LRRC4C: variants seen among roughly 807,000 people sequenced by gnomAD.
LRRC4C encodes the protein leucine rich repeat containing 4C, also known as leucine-rich repeat-containing protein 4C.
In LRRC4C, 5 loss-of-function variants were observed where a neutral mutation model predicts 33.6. The observed-to-expected ratio is 0.15, with a 90% confidence interval of 0.08 to 0.31. LRRC4C has a LOEUF of 0.31. LRRC4C is among the 10% of genes least tolerant of loss of function. The pLI is 1.00. For synonymous variants in LRRC4C, 329 were observed against 302.0 expected, an observed-to-expected ratio of 1.09 and a Z score of -0.93; for missense variants, 560 against 796.7, an observed-to-expected ratio of 0.70 and a Z score of 3.58.
chr11:40,282,114 C>T (rs1372968570), intron 4 of LRRC4C, among the ~76,000 whole-genome samples: 3 of 151,968 alleles, frequency 2.0e-5, no homozygotes, highest in Non-Finnish European at 4.4e-5. Context: ...TTTTGGAGGC[C>T]GAGGCTGGTG....
intron 2 of LRRC4C, among the ~76,000 whole-genome samples, chr11:40,753,481 A>G (rs905037596): frequency 6.6e-6 from 1 of 150,966 alleles, no homozygotes; most frequent in African/African-American, 2.4e-5. Context: ...AAAATTATGG[A>G]GTGGTATAAA....
chr11:40,573,135 G>A (rs1375579725), intron 3 of LRRC4C, among the ~76,000 whole-genome samples: 1 of 152,076 alleles, frequency 6.6e-6, no homozygotes, highest in Non-Finnish European at 1.5e-5. Flanking sequence ...CTACTTTTTA[G>A]TTCTTAGACT....
chr11:40,160,069 T>C (rs1454107620), intron 5 of LRRC4C, among the ~76,000 whole-genome samples: 2 of 152,170 alleles, frequency 1.3e-5, no homozygotes, highest in African/African-American at 4.8e-5. Context: ...ACACAGTGGA[T>C]AGTACACTGG....
intron 5 of LRRC4C, among the ~76,000 whole-genome samples, chr11:40,201,810 G>T (rs1862773095): frequency 6.6e-6 from 1 of 152,108 alleles, no homozygotes; most frequent in Non-Finnish European, 1.5e-5. Context: ...ACTTAGGCTG[G>T]AATACCCAAG....
chr11:41,299,387 T>A (rs1950226409), intron 1 of LRRC4C, among the ~76,000 whole-genome samples: 1 of 152,146 alleles, frequency 6.6e-6, no homozygotes, highest in Non-Finnish European at 1.5e-5. Flanking sequence ...GTAAATTTAC[T>A]CACTTCAACA....
intron 1 of LRRC4C, among the ~76,000 whole-genome samples, chr11:41,219,657 A>G (rs1179205858): frequency 6.6e-6 from 1 of 152,206 alleles, no homozygotes; most frequent in East Asian, 1.9e-4. Context: ...CCCTGTGCCT[A>G]CAACAATAGA....
At chr11:40,434,487 C>T (rs1273049708) in intron 3 of LRRC4C, among the ~76,000 whole-genome samples, 1 of 152,148 alleles carries the variant, frequency 6.6e-6, no homozygotes, top group East Asian at 1.9e-4. Context: ...CACGACTGCT[C>T]AGTGCTCAGC....
rs567246020 is a variant in LRRC4C at position 41,109,144 on chromosome 11, C to A, written c.-495-175421G>T. Among the ~76,000 whole-genome samples the A allele has an allele frequency of 2.6e-5, 4 of 152,132 alleles. No individual in the cohort carries two copies. The South Asian group carries it at 8.3e-4, about 32-fold the overall frequency. ...TTCTCTCCTATCTTCATCCCTTTATCCCTTTCCAATCCCAGAAAAAAATAA... is the reference window on the plus strand; with the variant it reads ...TTCTCTCCTATCTTCATCCCTTTATACCTTTCCAATCCCAGAAAAAAATAA... On this transcript the variant is annotated intron_variant, in intron 1 of 6. Transcript: ENST00000528697.
intron 2 of LRRC4C, among the ~76,000 whole-genome samples, chr11:40,843,200 G>T (rs1952993958): frequency 1.3e-5 from 2 of 152,048 alleles, no homozygotes; most frequent in African/African-American, 4.8e-5. Flanking sequence ...CCATTAAGGG[G>T]CCAAGCAGCC....
chr11:40,422,439 G>A (rs885283), intron 3 of LRRC4C, among the ~76,000 whole-genome samples: 52,238 of 151,748 alleles, frequency 0.34, 10,016 homozygotes, highest in South Asian at 0.47. Flanking sequence ...GTAAAATTTT[G>A]AAATAAGTTT....
chr11:40,594,341 A>G (rs1959175795), intron 3 of LRRC4C, among the ~76,000 whole-genome samples: 1 of 152,162 alleles, frequency 6.6e-6, no homozygotes, highest in Non-Finnish European at 1.5e-5. Flanking sequence ...AATTATTCTT[A>G]TTTTATAGAT....
At chr11:40,411,215 G>A (rs1019051783) in intron 3 of LRRC4C, among the ~76,000 whole-genome samples, 2 of 152,016 alleles carry the variant, frequency 1.3e-5, no homozygotes, top group Non-Finnish European at 2.9e-5. Flanking sequence ...AGCATTAAAA[G>A]ATAACAAAAT....
At chr11:41,048,372 C>G (rs1857952600) in intron 1 of LRRC4C, among the ~76,000 whole-genome samples, 2 of 146,474 alleles carry the variant, frequency 1.4e-5, no homozygotes, top group Admixed American at 1.4e-4. Context: ...TCAAGCAATT[C>G]TCCTGCCTCA....
chr11:40,479,337 C>T (rs1353784843), intron 3 of LRRC4C, among the ~76,000 whole-genome samples: 2 of 152,114 alleles, frequency 1.3e-5, no homozygotes, highest in African/African-American at 4.8e-5. Flanking sequence ...CTGCTGTGTA[C>T]TGGGTTCTCT....
At chr11:40,941,939 A>G (rs537171215) in intron 1 of LRRC4C, among the ~76,000 whole-genome samples, 7 of 152,294 alleles carry the variant, frequency 4.6e-5, no homozygotes, top group East Asian at 1.9e-4. Flanking sequence ...AAGTCCATCA[A>G]GAAGCAGGCA....
chr11:41,269,433 A>C (rs964946769), intron 1 of LRRC4C, among the ~76,000 whole-genome samples: 1 of 152,026 alleles, frequency 6.6e-6, no homozygotes, highest in Non-Finnish European at 1.5e-5. Flanking sequence ...ATTTCACAAA[A>C]AGGACAGAGA....
chr11:40,518,208 T>G (rs1400786659), intron 3 of LRRC4C, among the ~76,000 whole-genome samples: 2 of 151,950 alleles, frequency 1.3e-5, no homozygotes, highest in African/African-American at 4.8e-5. Context: ...AGGCAACAAC[T>G]TCATGACAAA....
intron 2 of LRRC4C, among the ~76,000 whole-genome samples, chr11:40,880,340 G>T (rs2136014619): frequency 6.6e-6 from 1 of 152,172 alleles, no homozygotes. Flanking sequence ...ATTGCATTAA[G>T]TCACTAAACT....
intron 1 of LRRC4C, among the ~76,000 whole-genome samples, chr11:40,984,123 A>C (rs1188883936): frequency 6.6e-6 from 1 of 151,672 alleles, no homozygotes; most frequent in Non-Finnish European, 1.5e-5. Flanking sequence ...CTATTGACAA[A>C]ATAATATGGA....
Sources: gnomAD v4.1 joint callset for allele counts (sites outside exome capture counted in the v4.1 genomes callset) on GRCh38, gnomAD v4.1.1 for gene constraint, MANE v1.5 for transcripts, NCBI Gene and HGNC (gene_info 2026-07-23, HGNC 2026-07-21) for gene names.